The following ZC3H12B variants were observed in gnomAD, a reference collection of about 807,000 sequenced individuals.
The protein encoded by ZC3H12B is zinc finger CCCH-type containing 12B.
In ZC3H12B, 7 loss-of-function variants were observed where a neutral mutation model predicts 43.9. The ratio of observed to expected loss-of-function variants is 0.16; its 90% confidence interval spans 0.09 to 0.30. The LOEUF (loss-of-function observed/expected upper bound fraction) is 0.30. Among genes scored for constraint, ZC3H12B ranks in the 10% least tolerant of loss-of-function variants. The pLI is 1.00. For missense variants in ZC3H12B, 475 were observed against 670.2 expected (o/e 0.71, Z 3.22); for synonymous variants, 222 against 241.7 (o/e 0.92, Z 0.76).
chrX:65,406,601 G>GACGGGCGGGA (rs1569396822), intron 3 of ZC3H12B, among the ~76,000 whole-genome samples: 10 of 94,745 alleles, frequency 1.1e-4, no homozygotes, highest in African/African-American at 4.0e-4. Context: ...GCTGGGCGGG[G>GACGGGCGGGA]CTGGGCGGGG....
At chrX:65,119,548 C>G in the ZC3H12B span, among the ~76,000 whole-genome samples, 1 of 111,096 alleles carries the variant, frequency 9.0e-6, no homozygotes, top group Non-Finnish European at 1.9e-5. Context: ...GGATATTAGC[C>G]CTTTGTCAGA....
chrX:65,456,881 G>T lies in ZC3H12B; in HGVS notation n.408-31765G>T, dbSNP rs1380504972. On this transcript the variant is annotated intron_variant and non_coding_transcript_variant, in intron 3 of 5. Coordinates refer to the ZC3H12B transcript ENST00000617377. ...GCCGCCACCCCGTCTGGGAAGTGAG[G>T]AGCGTCTCTGCCTGGCCGCCCATCG... 1.2e-3 allele frequency among the ~76,000 whole-genome samples: 133 copies of T among 109,083 alleles called. 1 individual carries two copies. The highest frequency in any genetic ancestry group is 4.4e-3 in the African/African-American group (131 of 29,928). 94.7% of individuals were successfully genotyped at this position (109,083 alleles called of 115,157 possible).
At chrX:65,282,109 G>A in the ZC3H12B span, among the ~76,000 whole-genome samples, 1 of 110,931 alleles carries the variant, frequency 9.0e-6, no homozygotes, top group Non-Finnish European at 1.9e-5. Flanking sequence ...ACATAATAAA[G>A]GCTATATATG....
chrX:65,226,441 G>A, the ZC3H12B span, among the ~76,000 whole-genome samples: 1 of 111,581 alleles, frequency 9.0e-6, no homozygotes, highest in African/African-American at 3.3e-5. Flanking sequence ...AGACCGTCAA[G>A]GCTAGGAAGA....
the ZC3H12B span, among the ~76,000 whole-genome samples, chrX:65,122,857 C>T: frequency 3.6e-5 from 4 of 111,438 alleles, no homozygotes; most frequent in South Asian, 1.1e-3. Context: ...TATATGCATC[C>T]AATACAGGAG....
chrX:65,387,065 A>G (rs1435708240), intron 2 of ZC3H12B, among the ~76,000 whole-genome samples: 1 of 111,849 alleles, frequency 8.9e-6, no homozygotes, highest in East Asian at 2.8e-4. Flanking sequence ...TTTACTTCCA[A>G]CTATGTGGTC....
the ZC3H12B span, among the ~76,000 whole-genome samples, chrX:65,103,631 A>G: frequency 1.8e-5 from 2 of 111,861 alleles, no homozygotes; most frequent in East Asian, 5.6e-4. Context: ...TGCAGTAAAG[A>G]CAGGCGTAAG....
At chrX:65,093,470 G>A in the ZC3H12B span, among the ~76,000 whole-genome samples, 20 of 112,069 alleles carry the variant, frequency 1.8e-4, no homozygotes, top group East Asian at 8.5e-4. Flanking sequence ...CTTGAGAGCC[G>A]CTGTGTGGAC....
chrX:65,102,728 CA>C, the ZC3H12B span, among the ~76,000 whole-genome samples: 2 of 111,185 alleles, frequency 1.8e-5, no homozygotes, highest in South Asian at 7.5e-4. Flanking sequence ...TCTCAAGTAT[CA>C]GGGGAACCCG....
intron 1 of ZC3H12B, among the ~76,000 whole-genome samples, chrX:65,495,992 C>A (rs1322519806): frequency 2.7e-5 from 3 of 111,693 alleles, no homozygotes; most frequent in African/African-American, 9.8e-5. Context: ...CAGGCCTGAG[C>A]CATCGCACCC....
chrX:65,115,014 G>A, the ZC3H12B span, among the ~76,000 whole-genome samples: 4 of 96,044 alleles, frequency 4.2e-5, no homozygotes, highest in Non-Finnish European at 8.1e-5. Context: ...GTACATAATA[G>A]GTTTATATAT....
the ZC3H12B span, among the ~76,000 whole-genome samples, chrX:65,171,534 T>C: frequency 1.8e-5 from 2 of 111,057 alleles, no homozygotes; most frequent in Admixed American, 1.9e-4. Context: ...AGATCTCAAA[T>C]TCCTTGCTGT....
At chrX:65,450,389 G>GTA (rs773418937) in intron 3 of ZC3H12B, among the ~76,000 whole-genome samples, 2 of 70,061 alleles carry the variant, frequency 2.9e-5, no homozygotes, top group Non-Finnish European at 5.1e-5. Flanking sequence ...ATTTATATGT[G>GTA]TATATATATG....
the ZC3H12B span, among the ~76,000 whole-genome samples, chrX:65,087,186 C>A: frequency 6.5e-3 from 719 of 110,986 alleles, 13 homozygotes; most frequent in African/African-American, 0.023. Flanking sequence ...TGGGCTCTGG[C>A]ATACCAGGAT....
rs191581026 is a variant in ZC3H12B at position 65,465,012 on chromosome X, T to G, written n.408-23634T>G. Among the ~76,000 whole-genome samples the G allele has an allele frequency of 1.5e-3, 169 of 111,249 alleles. 2 individuals carry two copies. Among genetic ancestry groups the G allele is most frequent in the African/African-American group, 5.4e-3 (165 of 30,760 alleles). Reference sequence around the variant, plus strand: ...TTATATTATTTCAATCTTTTTAAATTTATTGAGGCTTATGTATGCCCTAAC... The same window carrying G: ...TTATATTATTTCAATCTTTTTAAATGTATTGAGGCTTATGTATGCCCTAAC... On this transcript the variant is annotated intron_variant and non_coding_transcript_variant, in intron 3 of 5. Coordinates refer to the ZC3H12B transcript ENST00000617377.
chrX:65,236,496 T>C, the ZC3H12B span, among the ~76,000 whole-genome samples: 1 of 112,033 alleles, frequency 8.9e-6, no homozygotes, highest in Non-Finnish European at 1.9e-5. Context: ...TCTCTGTAGG[T>C]TGTCTATTCA....
At chrX:65,071,194 A>G in the ZC3H12B span, among the ~76,000 whole-genome samples, 1 of 109,150 alleles carries the variant, frequency 9.2e-6, no homozygotes, top group Admixed American at 9.8e-5. Context: ...TGTACCCTTT[A>G]CCATTATATA....
At chrX:65,166,935 G>C in the ZC3H12B span, among the ~76,000 whole-genome samples, 10 of 111,843 alleles carry the variant, frequency 8.9e-5, no homozygotes, top group Non-Finnish European at 1.1e-4. Context: ...GTAGATTCTT[G>C]ATATTAGCCC....
At chrX:65,244,762 ATTGT>A in the ZC3H12B span, among the ~76,000 whole-genome samples, 33 of 107,652 alleles carry the variant, frequency 3.1e-4, no homozygotes, top group South Asian at 1.6e-3. Flanking sequence ...GAAAACGCAA[ATTGT>A]TTGAAGTGCT....
Sources: gnomAD v4.1 joint callset for allele counts (sites outside exome capture counted in the v4.1 genomes callset) on GRCh38, gnomAD v4.1.1 for gene constraint, MANE v1.5 for transcripts, NCBI Gene and HGNC (gene_info 2026-07-23, HGNC 2026-07-21) for gene names.